SLC6A16: variants seen among roughly 807,000 people sequenced by gnomAD.
SLC6A16 encodes solute carrier family 6 member 16, also known as orphan sodium- and chloride-dependent neurotransmitter transporter NTT5.
SLC6A16 carries 54 observed loss-of-function variants against 65.4 expected under a neutral mutation model. The ratio of observed to expected loss-of-function variants is 0.83; its 90% confidence interval spans 0.66 to 1.04. SLC6A16 has a LOEUF of 1.04. SLC6A16 is among the 50% of genes least tolerant of loss of function. SLC6A16 has a pLI of 0.00. For synonymous variants in SLC6A16, 330 were observed against 346.5 expected, an observed-to-expected ratio of 0.95 and a Z score of 0.53; for missense variants, 816 against 914.0, an observed-to-expected ratio of 0.89 and a Z score of 1.38.
chr19:49,309,811 C>T lies in SLC6A16; in HGVS notation c.716G>A (p.Arg239Gln), dbSNP rs774747855. ...CCAGAAGTATATGGAGGGTGTTGTC[C>T]GTTCACATTCAGGATCTGGGGGGAC... ...NSSGFDPECERTTPSIYFWYQ... is the reference protein window; with the variant it reads ...NSSGFDPECEQTTPSIYFWYQ... Residue 239 changes from arginine to glutamine, a missense_variant, in exon 5 of 12, where the codon CGG becomes CAG. Coordinates refer to ENST00000335875, the MANE Select transcript of SLC6A16 (RefSeq NM_014037.3). The T allele has an allele frequency of 1.9e-6, 3 of 1,611,016 alleles. No homozygotes were observed. The highest frequency in any genetic ancestry group is 3.3e-5 in the Admixed American group (2 of 59,928).
rs368964600 is a variant in SLC6A16, at chr19:49,299,546, A to AAAAGAAAGAAAGAAAG, written c.1230-5009_1230-4994dup. On this transcript the variant is annotated intron_variant, in intron 7 of 11. Transcript: ENST00000335875. ...GGGAGGCTTGGTGTAAAAAAAAAAA[A>AAAAGAAAGAAAGAAAG]AAAGAAAGAAAGAAAGAGAAAGCTG... Among the ~76,000 whole-genome samples the AAAAGAAAGAAAGAAAG allele has an allele frequency of 1.7e-4, 21 of 126,488 alleles. 1 individual carries two copies. Among genetic ancestry groups the AAAAGAAAGAAAGAAAG allele is most frequent in the East Asian group, 1.1e-3 (5 of 4,486 alleles). 83.0% of individuals were successfully genotyped at this position (126,488 alleles called of 152,430 possible).
upstream of SLC6A16, among the ~76,000 whole-genome samples, chr19:49,325,883 G>A (rs772743846): frequency 1.3e-5 from 2 of 152,060 alleles, no homozygotes; most frequent in African/African-American, 4.8e-5. Context: ...AAATTTTGGC[G>A]CTGGGCGCGG....
the SLC6A16 span, among the ~76,000 whole-genome samples, chr19:49,334,901 A>G: frequency 1.3e-5 from 2 of 152,086 alleles, no homozygotes; most frequent in African/African-American, 4.8e-5. Context: ...AAATATATAA[A>G]TAAAATAAAG....
chr19:49,330,307 C>G, the SLC6A16 span, among the ~76,000 whole-genome samples: 3 of 152,018 alleles, frequency 2.0e-5, no homozygotes, highest in Non-Finnish European at 4.4e-5. Flanking sequence ...GCAAGGAGAC[C>G]TGGGAAATGA....
chr19:49,336,529 G>C, the SLC6A16 span: 2 of 187,726 alleles, frequency 1.1e-5, no homozygotes, highest in South Asian at 1.9e-4. Context: ...CTGCACTCCA[G>C]CCTGGGGGAC....
chr19:49,336,701 G>A, the SLC6A16 span: 4 of 559,524 alleles, frequency 7.1e-6, no homozygotes, highest in South Asian at 8.7e-5. Context: ...GTAAGAGGAA[G>A]AGAGACAGAG....
chr19:49,293,430 T>C, intron 9 of SLC6A16, 48 bp from the exon 10 acceptor site: 8 of 1,591,764 alleles, frequency 5.0e-6, no homozygotes, highest in Non-Finnish European at 6.9e-6. Flanking sequence ...CACGGCTGGG[T>C]GACAAGGGCT....
chr19:49,308,381 A>G (rs929145063), intron 7 of SLC6A16, among the ~76,000 whole-genome samples: 26 of 152,166 alleles, frequency 1.7e-4, no homozygotes, highest in Non-Finnish European at 3.8e-4. Context: ...TGAACCCAGG[A>G]GGCAGAGCTT....
At chr19:49,331,753 C>CCATT in the SLC6A16 span, 1 of 457,254 alleles carries the variant, frequency 2.2e-6, no homozygotes, top group Non-Finnish European at 4.4e-6. Context: ...CCTTCTGCAC[C>CCATT]CATTCCATTG....
rs1568535905 is a variant in SLC6A16 at position 49,311,116 on chromosome 19, A to G, written c.232T>C (p.Ser78Pro). ...TGCGTGGGTTTCTGGTTCAGGGCTGAGGCAGTTAACGCCTCCAATACAGAA... is the reference window on the plus strand; with the variant it reads ...TGCGTGGGTTTCTGGTTCAGGGCTGGGGCAGTTAACGCCTCCAATACAGAA... ...QISVLEALTA[S>P]ALNQKPTHEK... The change falls in exon 2 of 12, where the codon TCA becomes CCA. Residue 78 changes from serine (S) to proline (P), a missense_variant. Ser to Pro is a moderately conservative substitution (Grantham distance 74, BLOSUM62 -1). Coordinates refer to ENST00000335875, the MANE Select transcript of SLC6A16 (RefSeq NM_014037.3). 6.2e-7 allele frequency: 1 copy of G among 1,614,182 alleles called. No individual in the cohort carries two copies. Among genetic ancestry groups the G allele is most frequent in the Admixed American group, 1.7e-5 (1 of 60,012 alleles).
the SLC6A16 span, chr19:49,339,029 G>A: frequency 3.8e-6 from 4 of 1,048,962 alleles, no homozygotes; most frequent in South Asian, 1.4e-5. The surrounding 1 kb of genome is among the most constrained non-coding windows in gnomAD (Gnocchi z 4.5). Flanking sequence ...AGAAAGGGCG[G>A]GGTCTACGAG....
At chr19:49,310,886 TCCTGATTGCCCCTTGTGGAC>T in intron 2 of SLC6A16, 27 bp downstream of exon 2, 1 of 1,381,356 alleles carries the variant, frequency 7.2e-7, no homozygotes, top group Non-Finnish European at 1.0e-6. Flanking sequence ...CAGGACTCTG[TCCTGATTGCCCCTTGTGGAC>T]CCAGGTTTCC....
At position 49,293,366 on chromosome 19, in the gene SLC6A16, G is replaced by A. The variant is rs768085571; in HGVS notation, c.1635C>T (p.Leu545=). The A allele has an allele frequency of 6.2e-6, 10 of 1,613,992 alleles. No individual in the cohort carries two copies. The highest frequency in any genetic ancestry group is 1.6e-4 in the Middle Eastern group (1 of 6,084). ...TGAAGAAGAGGCCGCACACGAACATGAGCAAAAAGACTCCCACTGGAGAAA... is the reference window on the plus strand; with the variant it reads ...TGAAGAAGAGGCCGCACACGAACATAAGCAAAAAGACTCCCACTGGAGAAA... ...TKLLIVGVFL[L]MFVCGLFFTR... The change falls in exon 10 of 12, where the codon CTC becomes CTT. Residue 545 remains leucine, a synonymous_variant. Coordinates refer to ENST00000335875, the MANE Select transcript of SLC6A16 (RefSeq NM_014037.3).
chr19:49,340,243 C>A, the SLC6A16 span: 2 of 1,607,480 alleles, frequency 1.2e-6, no homozygotes. Flanking sequence ...CATCTCCTTT[C>A]TCTATAGCTC....
chr19:49,319,713 T>C (rs1970678411), intron 1 of SLC6A16, among the ~76,000 whole-genome samples: 1 of 151,914 alleles, frequency 6.6e-6, no homozygotes, highest in Admixed American at 6.6e-5. Context: ...ACCAACCAGA[T>C]CTAACAGATG....
chr19:49,320,234 C>A (rs1486179786), intron 1 of SLC6A16, among the ~76,000 whole-genome samples: 1 of 151,960 alleles, frequency 6.6e-6, no homozygotes, highest in African/African-American at 2.4e-5. Flanking sequence ...CATAGTGAAA[C>A]CCCATCTCTA....
At chr19:49,311,823 T>A (rs1347962270) in intron 1 of SLC6A16, among the ~76,000 whole-genome samples, 17 of 146,062 alleles carry the variant, frequency 1.2e-4, no homozygotes, top group Admixed American at 6.9e-5. Flanking sequence ...CACTCCAGCT[T>A]GGGAGACAGA....
chr19:49,326,037 G>T (rs1970793017), upstream of SLC6A16, among the ~76,000 whole-genome samples: 1 of 151,804 alleles, frequency 6.6e-6, no homozygotes, highest in South Asian at 2.1e-4. Context: ...GGGCGTGGTG[G>T]CACACACCTG....
rs185176857 is a variant in SLC6A16 at position 49,318,113 on chromosome 19, G to A, written c.-64-6702C>T. 2.0e-5 allele frequency among the ~76,000 whole-genome samples: 3 copies of A among 152,210 alleles called. No homozygotes were observed. The East Asian group carries it at 5.8e-4, about 29-fold the overall frequency. ...CTAGGAATCTGGATAAAGTACCTTC[G>A]AGCCATTAGCTAAATATCAACCTGC... is the stretch of plus-strand genomic sequence containing the variant. On this transcript the variant is annotated intron_variant, in intron 1 of 11. Transcript: ENST00000335875.
Sources: allele counts gnomAD v4.1 joint callset (sites outside exome capture counted in the v4.1 genomes callset), GRCh38; gene constraint gnomAD v4.1.1; non-coding constraint Gnocchi (gnomAD v3.1); transcripts MANE v1.5; gene names NCBI Gene and HGNC (gene_info 2026-07-23, HGNC 2026-07-21).